Variants in ADARB2 observed in about 807,000 individuals in gnomAD.
The protein encoded by ADARB2 is adenosine deaminase RNA specific B2 (inactive).
In ADARB2, 25 loss-of-function variants were observed where a neutral mutation model predicts 62.2. The observed-to-expected ratio is 0.40, with a 90% confidence interval of 0.29 to 0.56. The LOEUF (loss-of-function observed/expected upper bound fraction) is 0.56, where lower values mean the gene tolerates loss of function less well. Ranked by LOEUF, ADARB2 falls within the 20% of genes least tolerant of loss-of-function variation. The pLI, the probability that ADARB2 is intolerant of heterozygous loss-of-function variation, is 0.43. For synonymous variants in ADARB2, 572 were observed against 500.8 expected (o/e 1.14, Z -1.90); for missense variants, 1,071 against 1,077.4 (o/e 0.99, Z 0.08).
chr10:1,599,613 C>T (rs1416552353), intron 1 of ADARB2, among the ~76,000 whole-genome samples: 1 of 152,202 alleles, frequency 6.6e-6, no homozygotes, highest in Non-Finnish European at 1.5e-5. Context: ...AGATGCAACC[C>T]TCCCAGTTGG....
chr10:1,254,114 C>A (rs1405129758), intron 4 of ADARB2, among the ~76,000 whole-genome samples: 1 of 149,736 alleles, frequency 6.7e-6, no homozygotes, highest in Non-Finnish European at 1.5e-5. Context: ...GCAGTTGACT[C>A]TGGTTAGGAT....
Position 1,180,667 on chromosome 10 carries a change from C to CCCTCTGT in ADARB2, c.*2525_*2526insACAGAGG, listed in dbSNP as rs1836661439. 1 of 28,200 alleles carries CCCTCTGT rather than the reference C, an allele frequency of 3.5e-5. No homozygotes were observed. Among genetic ancestry groups the CCCTCTGT allele is most frequent in the Non-Finnish European group, 1.4e-4 (1 of 7,056 alleles). 1.7% of individuals were successfully genotyped at this position (28,200 alleles called of 1,614,324 possible). A position where few individuals can be genotyped will look rare whatever the true frequency, so the allele number is the denominator to read the frequency against. On this transcript the variant is annotated 3_prime_UTR_variant, in exon 10 of 10. Transcript: ENST00000381312. The stretch of plus-strand genomic sequence containing the variant: ...GACCCTCCTTTCCTTACGTGGGGTC[C>CCCTCTGT]CCTCTGCAGCCCACATCCCCTCTGA...
intron 1 of ADARB2, among the ~76,000 whole-genome samples, chr10:1,519,796 G>T (rs895590445): frequency 6.6e-6 from 1 of 151,860 alleles, no homozygotes; most frequent in Non-Finnish European, 1.5e-5. Flanking sequence ...ACCTCCCTTC[G>T]CCCTGCATGG....
rs114857624 is a variant in ADARB2 at position 1,219,773 on chromosome 10, C to T, written c.1514-2654G>A. ...ATGGTGATGATGGTGGCGGTGGAGA[C>T]GGTGATATGATGGTGAAGATAATGA... On this transcript the variant is annotated intron_variant, in intron 6 of 9. Transcript: ENST00000381312. 2.1e-3 allele frequency among the ~76,000 whole-genome samples: 293 copies of T among 142,138 alleles called. 2 individuals carry two copies. Among genetic ancestry groups the T allele is most frequent in the African/African-American group, 7.2e-3 (273 of 37,894 alleles). 93.2% of individuals were successfully genotyped at this position (142,138 alleles called of 152,430 possible).
chr10:1,595,011 C>T (rs1833311813), intron 1 of ADARB2, among the ~76,000 whole-genome samples: 1 of 152,164 alleles, frequency 6.6e-6, no homozygotes, highest in African/African-American at 2.4e-5. Context: ...AGCGGTCTTT[C>T]CTCAGGGGCT....
intron 1 of ADARB2, among the ~76,000 whole-genome samples, chr10:1,424,177 T>G (rs1023768051): frequency 2.0e-4 from 30 of 152,258 alleles, no homozygotes; most frequent in Non-Finnish European, 4.4e-5. Flanking sequence ...GTCCACTATG[T>G]ATGCAGTAGG....
intron 1 of ADARB2, among the ~76,000 whole-genome samples, chr10:1,571,683 C>G (rs1234068659): frequency 7.2e-6 from 1 of 138,678 alleles, no homozygotes; most frequent in Non-Finnish European, 1.5e-5. Flanking sequence ...GGTGAGTGTG[C>G]AGGTGAGTGG....
chr10:1,678,436 C>T (rs1834495931), intron 1 of ADARB2: 2 of 706,372 alleles, frequency 2.8e-6, no homozygotes, highest in Admixed American at 6.3e-5. Flanking sequence ...GCACTCAGGA[C>T]AGTAACGAAC....
chr10:1,553,375 C>G (rs755129593), intron 1 of ADARB2, among the ~76,000 whole-genome samples: 1 of 152,130 alleles, frequency 6.6e-6, no homozygotes, highest in African/African-American at 2.4e-5. Flanking sequence ...CTGGCATGGA[C>G]GAGGCAGGCA....
rs553632855 is a variant in ADARB2, at chr10:1,224,261, G to A, written c.1514-7142C>T. The stretch of plus-strand genomic sequence containing the variant: ...TGGTAGTTTGTATTTCTGTGGGATC[G>A]GTGGTGATATCCCCTTTATCATTTT... On this transcript the variant is annotated intron_variant, in intron 6 of 9. Coordinates refer to ENST00000381312, the MANE Select transcript of ADARB2 (RefSeq NM_018702.4). 1.2e-3 allele frequency among the ~76,000 whole-genome samples: 186 copies of A among 151,986 alleles called. 1 individual carries two copies. Among genetic ancestry groups the A allele is most frequent in the East Asian group, 6.9e-3 (36 of 5,182 alleles).
intron 1 of ADARB2, among the ~76,000 whole-genome samples, chr10:1,544,059 T>C (rs986420816): frequency 1.3e-5 from 2 of 149,514 alleles, no homozygotes; most frequent in Non-Finnish European, 3.0e-5. Flanking sequence ...AGGGACGTGA[T>C]GAAAGGGCAA....
intron 1 of ADARB2, among the ~76,000 whole-genome samples, chr10:1,640,702 T>C (rs1436550306): frequency 6.6e-6 from 1 of 152,170 alleles, no homozygotes; most frequent in Non-Finnish European, 1.5e-5. Flanking sequence ...GTCTATACAC[T>C]ATAAATATTT....
chr10:1,404,886 A>G (rs1832693879), intron 1 of ADARB2, among the ~76,000 whole-genome samples: 1 of 152,206 alleles, frequency 6.6e-6, no homozygotes, highest in South Asian at 2.1e-4. Flanking sequence ...CCGGGAGCTC[A>G]CGCTTTCTAC....
At chr10:1,553,987 G>T (rs906658371) in intron 1 of ADARB2, among the ~76,000 whole-genome samples, 1 of 152,206 alleles carries the variant, frequency 6.6e-6, no homozygotes, top group Non-Finnish European at 1.5e-5. Flanking sequence ...GCTGGTGGAG[G>T]CTGTGCAGGG....
chr10:1,550,887 C>G (rs570327186), intron 1 of ADARB2, among the ~76,000 whole-genome samples: 1 of 152,028 alleles, frequency 6.6e-6, no homozygotes, highest in African/African-American at 2.4e-5. Flanking sequence ...TGTGCCGCAA[C>G]AGGAAGAATG....
In ADARB2 at chr10:1,474,547, G is replaced by A. The variant is rs563223499; in HGVS notation, c.101-95387C>T. Among the ~76,000 whole-genome samples, 74 of 152,300 alleles carry A rather than the reference G, an allele frequency of 4.9e-4. 1 individual carries two copies. The highest frequency in any genetic ancestry group is 2.1e-4 in the South Asian group (1 of 4,826). ...ACTGAGTGACACAGCCGGAGCGGAC[G>A]GGCAAGGCGATGCTGTGTCCACACA... On this transcript the variant is annotated intron_variant, in intron 1 of 9. Transcript: ENST00000381312.
At chr10:1,635,658 C>T (rs1198149706) in intron 1 of ADARB2, among the ~76,000 whole-genome samples, 2 of 152,200 alleles carry the variant, frequency 1.3e-5, no homozygotes, top group Admixed American at 6.5e-5. Context: ...ATCTCCCTTC[C>T]CTCCCTGTGA....
At chr10:1,729,974 A>G (rs1444265091) in intron 1 of ADARB2, among the ~76,000 whole-genome samples, 1 of 152,246 alleles carries the variant, frequency 6.6e-6, no homozygotes, top group Non-Finnish European at 1.5e-5. Flanking sequence ...CAGATTAATT[A>G]AATCGATAAA....
At position 1,270,386 on chromosome 10, in the gene ADARB2, CTG is replaced by C. The variant is rs576978501; in HGVS notation, c.1192+567_1192+568del. Reference sequence around the variant, plus strand: ...GGTCATTACACACTCGTGAAAAACTCTGGAAATGGAAATGGTTGAATTCAAAT... The same window carrying C: ...GGTCATTACACACTCGTGAAAAACTCGAAATGGAAATGGTTGAATTCAAAT... On this transcript the variant is annotated intron_variant, in intron 4 of 9. Transcript: ENST00000381312. Among the ~76,000 whole-genome samples the C allele has an allele frequency of 3.0e-3, 454 of 152,290 alleles. 2 individuals are homozygous for C. Among genetic ancestry groups the C allele is most frequent in the African/African-American group, 0.01 (432 of 41,558 alleles).
Sources: gnomAD v4.1 joint callset for allele counts (sites outside exome capture counted in the v4.1 genomes callset) on GRCh38, gnomAD v4.1.1 for gene constraint, MANE v1.5 for transcripts, NCBI Gene and HGNC (gene_info 2026-07-23, HGNC 2026-07-21) for gene names.